The following TLE6 variants were observed in gnomAD, a reference collection of about 807,000 sequenced individuals.
The protein encoded by TLE6 is TLE family member 6, subcortical maternal complex member, also known as transducin-like enhancer protein 6.
Under a neutral mutation model 77.1 loss-of-function variants are expected in TLE6, and 72 were observed. The observed-to-expected ratio is 0.93, with a 90% CI of 0.77 to 1.14. The LOEUF (loss-of-function observed/expected upper bound fraction) is 1.14. Among genes scored for constraint, TLE6 ranks in the 50% most tolerant of loss-of-function variants. TLE6 has a pLI of 0.00. For synonymous variants in TLE6, 366 were observed against 287.3 expected (o/e 1.27, Z -2.77); for missense variants, 843 against 747.6 (o/e 1.13, Z -1.49).
At chr19:2,981,042 TTC>T (rs1056088984) in intron 3 of TLE6, among the ~76,000 whole-genome samples, 3 of 149,330 alleles carry the variant, frequency 2.0e-5, no homozygotes, top group African/African-American at 7.5e-5. Flanking sequence ...CAGGGTGAGA[TTC>T]TGTTTAAAAA....
At chr19:2,981,667 G>A in intron 4 of TLE6, 84 bp downstream of exon 4, 1 of 1,414,824 alleles carries the variant, frequency 7.1e-7, no homozygotes, top group East Asian at 2.5e-5. Flanking sequence ...TGCCTCCTGA[G>A]TGCCCTAGAG....
At chr19:2,986,580 GGT>G (rs1267548829) in intron 5 of TLE6, among the ~76,000 whole-genome samples, 1 of 151,806 alleles carries the variant, frequency 6.6e-6, no homozygotes, top group Non-Finnish European at 1.5e-5. Flanking sequence ...TGGGTGTGGT[GGT>G]GTGCACCTGT....
Position 2,989,051 on chromosome 19 carries a change from C to G in TLE6, c.741-10C>G. The stretch of plus-strand genomic sequence containing the variant: ...AGCAGGTCAGTTACCCCAAGGCCTC[C>G]CCTCCCAAGATCCTGGGACCCTGAG... On this transcript the variant is annotated splice_polypyrimidine_tract_variant and intron_variant, in intron 11 of 16. Coordinates refer to ENST00000246112, the MANE Select transcript of TLE6 (RefSeq NM_001143986.2). The G allele has an allele frequency of 1.2e-6, 2 of 1,610,574 alleles. No individual in the cohort carries two copies. The highest frequency in any genetic ancestry group is 1.1e-5 in the South Asian group (1 of 91,034).
Position 2,981,485 on chromosome 19 carries a change from G to T in TLE6, c.135-53G>T, listed in dbSNP as rs917940786. 3.9e-6 allele frequency: 6 copies of T among 1,541,476 alleles called. No individual in the cohort carries two copies. In the East Asian group the frequency reaches 9.8e-5, roughly 25 times the overall value. ...GGGGTTGAGGGTGGGGCTCACTCTG[G>T]GGAGGGAGTCCTGAAGCCACAGGTC... On this transcript the variant is annotated intron_variant, in intron 3 of 16. Transcript: ENST00000246112.
chr19:2,980,738 TA>T (rs751491532), intron 3 of TLE6, among the ~76,000 whole-genome samples: 3,523 of 106,288 alleles, frequency 0.033, 50 homozygotes, highest in African/African-American at 0.053. Flanking sequence ...ACTCGGTCTT[TA>T]AAAAAAAAAA....
intron 5 of TLE6, among the ~76,000 whole-genome samples, chr19:2,982,857 G>A (rs1489142112): frequency 6.6e-6 from 1 of 152,146 alleles, no homozygotes; most frequent in East Asian, 1.9e-4. Context: ...TTTGGACAGA[G>A]AGAGCCTGTG....
At chr19:2,983,147 G>A (rs1156420606) in intron 5 of TLE6, among the ~76,000 whole-genome samples, 1 of 152,228 alleles carries the variant, frequency 6.6e-6, no homozygotes, top group African/African-American at 2.4e-5. Flanking sequence ...CTGGGAGGAG[G>A]GGGGCAGCGA....
At chr19:2,982,535 CAAAAAAAAAAA>C (rs1200316710) in intron 5 of TLE6, among the ~76,000 whole-genome samples, 1 of 41,840 alleles carries the variant, frequency 2.4e-5, no homozygotes, top group Admixed American at 2.6e-4. Context: ...GACTCTGTCT[CAAAAAAAAAAA>C]AAAAAAAAAA....
Position 2,989,789 on chromosome 19 carries a change from C to A in TLE6, c.1244+4C>A. 1 of 1,609,746 alleles carries A rather than the reference C, an allele frequency of 6.2e-7. No homozygotes were observed. The highest frequency in any genetic ancestry group is 8.5e-7 in the Non-Finnish European group (1 of 1,176,856). On this transcript the variant is annotated splice_donor_region_variant and intron_variant, in intron 13 of 16. Transcript: ENST00000246112. ...TGCGGGATCAGAGTGTGGTCAGGTG[C>A]GTTTGGGGGGTGGGAAGGGGAAGCA...
intron 5 of TLE6, chr19:2,984,350 C>T (rs533173533): frequency 4.6e-5 from 7 of 151,358 alleles, no homozygotes; most frequent in South Asian, 4.2e-4. Context: ...TCCCCCCCCC[C>T]CCGCGGGGCT....
In TLE6 at chr19:2,993,566, C is replaced by A; in HGVS notation, c.1521C>A (p.Val507=). The change falls in exon 15 of 17, where the codon GTC becomes GTA. Residue 507 remains valine (V), a synonymous_variant. Transcript: ENST00000246112. ...VGQKDSVILS[V]KFSPFGQWWA... ...AAAAAGACAGCGTCATCCTGAGCGT[C>A]AAGTTCTCCCCCTTTGGTAAGCGGC... The A allele has an allele frequency of 6.4e-7, 1 of 1,572,272 alleles. No individual in the cohort carries two copies. The highest frequency in any genetic ancestry group is 1.1e-5 in the South Asian group (1 of 87,880).
At chr19:2,986,372 C>T (rs1599159038) in intron 5 of TLE6, among the ~76,000 whole-genome samples, 1 of 151,724 alleles carries the variant, frequency 6.6e-6, no homozygotes, top group South Asian at 2.1e-4. Flanking sequence ...GCTGTAATCG[C>T]ACCACTGCAC....
At chr19:2,981,049 TAAA>T (rs879544850) in intron 3 of TLE6, among the ~76,000 whole-genome samples, 2 of 141,764 alleles carry the variant, frequency 1.4e-5, no homozygotes, top group Admixed American at 1.4e-4. Flanking sequence ...AGATTCTGTT[TAAA>T]AAAAAAAAAA....
intron 3 of TLE6, among the ~76,000 whole-genome samples, chr19:2,980,795 A>G (rs1729729257): frequency 6.6e-6 from 1 of 151,804 alleles, no homozygotes; most frequent in Admixed American, 6.6e-5. Flanking sequence ...TTGCACTTGT[A>G]ATCCCAGCAC....
chr19:2,994,863 C>T, intron 16 of TLE6, 37 bp from the exon 17 acceptor site: 2 of 1,303,636 alleles, frequency 1.5e-6, no homozygotes, highest in East Asian at 2.4e-5. Flanking sequence ...GGTGTGTGAG[C>T]CCTACCCCAG....
chr19:2,978,137 G>C (rs445657), intron 1 of TLE6, 61 bp from the exon 2 acceptor site: 960,252 of 1,345,636 alleles, frequency 0.71, 345,940 homozygotes, highest in East Asian at 0.98. Flanking sequence ...CGGGTGCCTT[G>C]CTTCCCTGGC....
chr19:2,987,729 G>A lies in TLE6; in HGVS notation c.564G>A (p.Gln188=). Residue 188 remains glutamine (Q), a synonymous_variant, in exon 9 of 17, where the codon CAG becomes CAA. Coordinates refer to ENST00000246112, the MANE Select transcript of TLE6 (RefSeq NM_001143986.2). ...RDRQQAPGLG[Q]ESKAPGSCDP... Reference sequence around the variant, plus strand: ...GAGACTTTTCCATTTTCCAGGGGCAGGAAAGCAAGGCACCAGGATCCTGTG... The same window carrying A: ...GAGACTTTTCCATTTTCCAGGGGCAAGAAAGCAAGGCACCAGGATCCTGTG... 2 of 1,614,160 alleles carry A rather than the reference G, an allele frequency of 1.2e-6. No individual in the cohort carries two copies. Among genetic ancestry groups the A allele is most frequent in the Non-Finnish European group, 1.7e-6 (2 of 1,180,018 alleles).
intron 16 of TLE6, among the ~76,000 whole-genome samples, chr19:2,994,648 A>C (rs1382050773): frequency 6.6e-6 from 1 of 151,376 alleles, no homozygotes; most frequent in Non-Finnish European, 1.5e-5. Flanking sequence ...AAAATTAAAA[A>C]TAATAATTAG....
intron 5 of TLE6, among the ~76,000 whole-genome samples, chr19:2,985,715 G>A (rs1455983272): frequency 7.0e-6 from 1 of 143,882 alleles, no homozygotes; most frequent in Non-Finnish European, 1.5e-5. Flanking sequence ...CACCGCACCC[G>A]GCCTGCTTGA....
Sources: gnomAD v4.1 joint callset for allele counts (sites outside exome capture counted in the v4.1 genomes callset) on GRCh38, gnomAD v4.1.1 for gene constraint, MANE v1.5 for transcripts, NCBI Gene and HGNC (gene_info 2026-07-23, HGNC 2026-07-21) for gene names.